The following TMEM131 variants were observed in gnomAD, a reference collection of about 807,000 sequenced individuals.
The protein encoded by TMEM131 is transmembrane protein 131, also known as 2610524E03Rik.
In TMEM131, 66 loss-of-function variants were observed where a neutral mutation model predicts 211.6. The ratio of observed to expected loss-of-function variants is 0.31; its 90% CI spans 0.26 to 0.38. The LOEUF (loss-of-function observed/expected upper bound fraction) is 0.38. TMEM131 is among the 10% of genes least tolerant of loss of function. The probability of loss-of-function intolerance (pLI) is 1.00; values close to 1 mark genes in which losing one functional copy is unlikely to be tolerated. For missense variants in TMEM131, 2,036 were observed against 2,299.3 expected (o/e 0.89, Z 2.34); for synonymous variants, 844 against 841.3 (o/e 1.00, Z -0.06).
chr2:97,861,106 A>G (rs1033400155), intron 4 of TMEM131, among the ~76,000 whole-genome samples: 10 of 152,156 alleles, frequency 6.6e-5, no homozygotes, highest in Non-Finnish European at 1.5e-4. Context: ...CATTTAGATG[A>G]ACTCTAGCAG....
At chr2:97,903,441 A>C (rs551225868) in intron 3 of TMEM131, among the ~76,000 whole-genome samples, 1 of 152,340 alleles carries the variant, frequency 6.6e-6, no homozygotes, top group South Asian at 2.1e-4. Context: ...TGTTCCAGGC[A>C]AGAATCATCA....
intron 1 of TMEM131, among the ~76,000 whole-genome samples, chr2:97,940,695 G>A (rs1196254818): frequency 6.6e-6 from 1 of 151,836 alleles, no homozygotes. Context: ...GTTAGTACCA[G>A]CTACTTGGGA....
intron 38 of TMEM131, 25 bp from the exon 39 acceptor site, chr2:97,759,774 AACAC>A: frequency 1.9e-6 from 3 of 1,569,972 alleles, no homozygotes; most frequent in Non-Finnish European, 2.6e-6. Context: ...AGGAAAACGC[AACAC>A]ACAAAAATGT....
At chr2:97,957,112 A>AAAT (rs1553620058) in intron 1 of TMEM131, among the ~76,000 whole-genome samples, 2 of 150,528 alleles carry the variant, frequency 1.3e-5, no homozygotes, top group Non-Finnish European at 3.0e-5. Flanking sequence ...AAAAAAAAAA[A>AAAT]GTTATCCTAC....
chr2:97,856,367 A>T (rs1673847313), intron 5 of TMEM131, among the ~76,000 whole-genome samples: 1 of 152,162 alleles, frequency 6.6e-6, no homozygotes, highest in Admixed American at 6.5e-5. Context: ...CATACCCCGT[A>T]CCTCTCTTAG....
intron 25 of TMEM131, among the ~76,000 whole-genome samples, chr2:97,800,750 G>A (rs911941448): frequency 1.3e-5 from 2 of 151,376 alleles, no homozygotes; most frequent in Admixed American, 6.6e-5. Flanking sequence ...GAGCCAGACT[G>A]TCTCAGAAGA....
In TMEM131 at chr2:97,981,560, C is replaced by T. The variant is rs187717501; in HGVS notation, c.187+13916G>A. ...TGGTATCTCATTTAGGTTTTTTCCCCCTTAGATGAAAAGCCTATCAATTTT... is the reference window on the plus strand; with the variant it reads ...TGGTATCTCATTTAGGTTTTTTCCCTCTTAGATGAAAAGCCTATCAATTTT... On this transcript the variant is annotated intron_variant, in intron 1 of 40. Transcript: ENST00000186436. 5.1e-4 allele frequency among the ~76,000 whole-genome samples: 78 copies of T among 152,176 alleles called. 1 individual carries two copies. The highest frequency in any genetic ancestry group is 1.8e-3 in the African/African-American group (74 of 41,522).
intron 1 of TMEM131, among the ~76,000 whole-genome samples, chr2:97,980,554 A>G (rs1280822703): frequency 1.3e-5 from 2 of 152,228 alleles, no homozygotes; most frequent in African/African-American, 2.4e-5. Flanking sequence ...GGATCCAGAC[A>G]TTCCACTCAT....
At chr2:97,907,830 G>A (rs1316517726) in intron 3 of TMEM131, among the ~76,000 whole-genome samples, 7 of 152,122 alleles carry the variant, frequency 4.6e-5, no homozygotes, top group East Asian at 1.9e-4. Context: ...ACTAAAGGGC[G>A]CTCACTAGAA....
chr2:97,861,912 G>T (rs991844586), intron 4 of TMEM131, among the ~76,000 whole-genome samples: 3 of 152,100 alleles, frequency 2.0e-5, no homozygotes, highest in African/African-American at 7.2e-5. Context: ...GTTACAGTGG[G>T]CCTTGGGCGA....
chr2:97,955,711 T>C (rs978302285), intron 1 of TMEM131, among the ~76,000 whole-genome samples: 36 of 152,054 alleles, frequency 2.4e-4, no homozygotes, highest in African/African-American at 8.7e-4. Flanking sequence ...AATGAACATA[T>C]GGAAACCAAA....
chr2:97,863,433 G>A (rs770541705), intron 4 of TMEM131, among the ~76,000 whole-genome samples: 33 of 152,178 alleles, frequency 2.2e-4, no homozygotes, highest in Middle Eastern at 6.8e-3. Flanking sequence ...GCACAGCAAA[G>A]GAAACAATCA....
At chr2:97,761,203 A>C in intron 36 of TMEM131, 1 of 279,666 alleles carries the variant, frequency 3.6e-6, no homozygotes, top group Non-Finnish European at 6.8e-6. Context: ...TTTTGTGAAG[A>C]ATGCTAGAGA....
chr2:97,979,770 CATTT>C (rs1356026118), intron 1 of TMEM131, among the ~76,000 whole-genome samples: 1 of 152,212 alleles, frequency 6.6e-6, no homozygotes, highest in African/African-American at 2.4e-5. Flanking sequence ...TCTTATCATT[CATTT>C]GTTCACCAGA....
intron 1 of TMEM131, among the ~76,000 whole-genome samples, chr2:97,941,553 G>T (rs1677730340): frequency 6.6e-6 from 1 of 152,136 alleles, no homozygotes; most frequent in South Asian, 2.1e-4. Flanking sequence ...CAGAATGGGA[G>T]AAAATTTTTA....
At chr2:97,934,893 T>C (rs568015007) in intron 1 of TMEM131, among the ~76,000 whole-genome samples, 2 of 152,054 alleles carry the variant, frequency 1.3e-5, no homozygotes, top group African/African-American at 4.8e-5. Flanking sequence ...GCTCTAAATT[T>C]AAAATGTAAA....
At chr2:97,982,624 C>T (rs1679848818) in intron 1 of TMEM131, among the ~76,000 whole-genome samples, 1 of 152,152 alleles carries the variant, frequency 6.6e-6, no homozygotes, top group African/African-American at 2.4e-5. Context: ...AATAATGACT[C>T]CCCAAAATGT....
At chr2:97,886,051 T>C (rs1675143373) in intron 4 of TMEM131, among the ~76,000 whole-genome samples, 1 of 152,128 alleles carries the variant, frequency 6.6e-6, no homozygotes, top group Non-Finnish European at 1.5e-5. Context: ...AGTCTATTGT[T>C]GAAGCTCTTG....
In TMEM131 at chr2:97,922,781, T is replaced by C. The variant is rs1676799454; in HGVS notation, c.249+4645A>G. Among the ~76,000 whole-genome samples the C allele has an allele frequency of 2.0e-5, 3 of 152,178 alleles. No homozygotes were observed. In the South Asian group the frequency reaches 6.2e-4, roughly 32 times the overall value. ...CTAGGAGAGAGCTTGAGGGGAAACT[T>C]TGGAGGGTAATGGCCTGTTTTTAGT... On this transcript the variant is annotated intron_variant, in intron 2 of 40. Transcript: ENST00000186436.
Sources: allele counts gnomAD v4.1 joint callset (sites outside exome capture counted in the v4.1 genomes callset), GRCh38; gene constraint gnomAD v4.1.1; transcripts MANE v1.5; gene names NCBI Gene and HGNC (gene_info 2026-07-23, HGNC 2026-07-21).